The following FSTL4 variants were observed in gnomAD, a reference collection of about 807,000 sequenced individuals.
FSTL4 encodes the protein follistatin like 4.
A neutral mutation model predicts 78.2 loss-of-function variants in FSTL4; 28 were observed. The observed-to-expected ratio is 0.36, with a 90% CI of 0.27 to 0.49. The LOEUF is 0.49. Ranked by LOEUF, FSTL4 falls within the 20% of genes least tolerant of loss-of-function variation. The pLI, the probability that FSTL4 is intolerant of heterozygous loss-of-function variation, is 0.98. For synonymous variants in FSTL4, 422 were observed against 440.5 expected (o/e 0.96, Z 0.53); for missense variants, 922 against 1,084.9 (o/e 0.85, Z 2.11).
the FSTL4 span, among the ~76,000 whole-genome samples, chr5:133,653,438 C>T: frequency 2.2e-4 from 33 of 152,322 alleles, no homozygotes; most frequent in South Asian, 1.2e-3. Flanking sequence ...CGTGTGAAAG[C>T]TAGCTCTGGG....
At chr5:133,553,142 G>A (rs1273210761) in intron 3 of FSTL4, among the ~76,000 whole-genome samples, 2 of 152,094 alleles carry the variant, frequency 1.3e-5, no homozygotes, top group Admixed American at 1.3e-4. Context: ...TGAGTCCCGC[G>A]GTACCCGGAA....
intron 4 of FSTL4, among the ~76,000 whole-genome samples, chr5:133,352,303 TATATATATACACACATATATATACACAC>T (rs1415712657): frequency 1.8e-4 from 25 of 138,256 alleles, no homozygotes; most frequent in South Asian, 6.9e-4. Flanking sequence ...TACACACACA[TATATATATACACACATATATATACACAC>T]ATATATATAT....
chr5:133,697,871 G>A, the FSTL4 span, among the ~76,000 whole-genome samples: 9 of 152,040 alleles, frequency 5.9e-5, no homozygotes, highest in South Asian at 2.1e-4. Context: ...GCACGTGCCC[G>A]CTGTACTCCC....
chr5:133,394,615 C>G (rs1755953030), intron 4 of FSTL4, among the ~76,000 whole-genome samples: 1 of 152,234 alleles, frequency 6.6e-6, no homozygotes, highest in African/African-American at 2.4e-5. Flanking sequence ...GACCTGCAGC[C>G]CGCCATGCCT....
chr5:133,331,737 C>T (rs1490381174), intron 4 of FSTL4, among the ~76,000 whole-genome samples: 2 of 152,076 alleles, frequency 1.3e-5, no homozygotes, highest in Admixed American at 6.5e-5. Flanking sequence ...GACAGTAAAT[C>T]CCTGGTCAAA....
the FSTL4 span, among the ~76,000 whole-genome samples, chr5:133,628,247 A>G: frequency 1.3e-5 from 2 of 152,198 alleles, no homozygotes; most frequent in Non-Finnish European, 2.9e-5. Flanking sequence ...AACAGAAGAC[A>G]AGAAATAGCT....
intron 4 of FSTL4, among the ~76,000 whole-genome samples, chr5:133,341,913 G>A (rs751698175): frequency 1.4e-4 from 21 of 152,178 alleles, no homozygotes; most frequent in Non-Finnish European, 2.5e-4. Flanking sequence ...CAGCCTATAA[G>A]AGAGCTAGTA....
At chr5:133,394,644 G>A (rs116488889) in intron 4 of FSTL4, among the ~76,000 whole-genome samples, 3,402 of 152,270 alleles carry the variant, frequency 0.022, 135 homozygotes, top group African/African-American at 0.077. Flanking sequence ...CCACCACTGT[G>A]GGCTCCTGCG....
intron 3 of FSTL4, among the ~76,000 whole-genome samples, chr5:133,468,057 C>A (rs1424173003): frequency 2.0e-5 from 3 of 152,320 alleles, no homozygotes; most frequent in Middle Eastern, 3.4e-3. Context: ...CAGGCAGGAG[C>A]CTCTCAGCAA....
chr5:133,234,907 G>T (rs959292566), intron 7 of FSTL4, among the ~76,000 whole-genome samples: 1 of 152,168 alleles, frequency 6.6e-6, no homozygotes, highest in Non-Finnish European at 1.5e-5. Context: ...TATTTTTCTT[G>T]TTATTATTAG....
the FSTL4 span, among the ~76,000 whole-genome samples, chr5:133,691,240 A>G: frequency 6.6e-6 from 1 of 152,228 alleles, no homozygotes; most frequent in Non-Finnish European, 1.5e-5. Context: ...CATCCCTAAT[A>G]TGTGTTTCCT....
At chr5:133,246,712 G>A (rs1242584702) in intron 7 of FSTL4, 1 of 152,206 alleles carries the variant, frequency 6.6e-6, no homozygotes, top group Non-Finnish European at 1.5e-5. Context: ...TCACCCAGCT[G>A]TTGCTGGCTG....
rs112698489 is a variant in FSTL4, at chr5:133,552,867, A to C, written c.160+14319T>G. On this transcript the variant is annotated intron_variant, in intron 3 of 15. Transcript: ENST00000265342. ...GGTATTCATAAAGAAACAGGGGATG[A>C]AGCCCTAACAGTGGGTGTTCTAAGA... 3.8e-3 allele frequency among the ~76,000 whole-genome samples: 581 copies of C among 152,344 alleles called. 3 individuals carry two copies. Among genetic ancestry groups the C allele is most frequent in the African/African-American group, 0.013 (558 of 41,576 alleles).
chr5:133,713,734 C>G, the FSTL4 span, among the ~76,000 whole-genome samples: 51 of 152,328 alleles, frequency 3.3e-4, no homozygotes, highest in African/African-American at 1.2e-3. Flanking sequence ...TCCTTGATCT[C>G]TCTGTCTAAG....
intron 3 of FSTL4, among the ~76,000 whole-genome samples, chr5:133,491,111 T>C (rs1476392187): frequency 6.6e-6 from 1 of 152,092 alleles, no homozygotes; most frequent in Non-Finnish European, 1.5e-5. Flanking sequence ...AAAATAAAAA[T>C]TGGAAAGAAA....
chr5:133,647,484 C>G, the FSTL4 span, among the ~76,000 whole-genome samples: 4 of 152,114 alleles, frequency 2.6e-5, no homozygotes, highest in African/African-American at 4.8e-5. Flanking sequence ...CTGCACAGGG[C>G]CTACCAGCAA....
At chr5:133,765,220 G>A in the FSTL4 span, among the ~76,000 whole-genome samples, 8 of 152,378 alleles carry the variant, frequency 5.3e-5, no homozygotes, top group Non-Finnish European at 1.0e-4. Context: ...TAATGCCAGT[G>A]GGGAGAGGGG....
At chr5:133,372,237 C>CTATGTATG (rs1209646551) in intron 4 of FSTL4, among the ~76,000 whole-genome samples, 8 of 87,654 alleles carry the variant, frequency 9.1e-5, no homozygotes, top group Non-Finnish European at 1.4e-4. Flanking sequence ...ATCTATGTAT[C>CTATGTATG]TATGTATCTA....
chr5:133,372,621 A>G lies in FSTL4; in HGVS notation c.409+28117T>C, dbSNP rs149443816. Among the ~76,000 whole-genome samples, 109 of 152,352 alleles carry G rather than the reference A, an allele frequency of 7.2e-4. 1 individual carries two copies. Among genetic ancestry groups the G allele is most frequent in the African/African-American group, 2.4e-3 (98 of 41,590 alleles). Reference sequence around the variant, plus strand: ...CAGTTGGAGTGGGAGCCATAAAACCAGCCCGATGAAAGAGAGCTGTTGTGT... The same window carrying G: ...CAGTTGGAGTGGGAGCCATAAAACCGGCCCGATGAAAGAGAGCTGTTGTGT... On this transcript the variant is annotated intron_variant, in intron 4 of 15. Coordinates refer to ENST00000265342, the MANE Select transcript of FSTL4 (RefSeq NM_015082.2).
Sources: gnomAD v4.1 joint callset for allele counts (sites outside exome capture counted in the v4.1 genomes callset) on GRCh38, gnomAD v4.1.1 for gene constraint, MANE v1.5 for transcripts, NCBI Gene and HGNC (gene_info 2026-07-23, HGNC 2026-07-21) for gene names.